ZBTB7C: variants seen among roughly 807,000 people sequenced by gnomAD.
The protein encoded by ZBTB7C is zinc finger and BTB domain containing 7C, also known as zinc finger and BTB domain-containing protein 7C.
A neutral mutation model predicts 25.7 loss-of-function variants in ZBTB7C; 8 were observed. That is an observed-to-expected ratio of 0.31 (90% CI 0.18 to 0.56). ZBTB7C has a LOEUF of 0.56. Among genes scored for constraint, ZBTB7C ranks in the 20% least tolerant of loss-of-function variants. The pLI is 0.91. For missense variants in ZBTB7C, 824 were observed against 855.2 expected, an observed-to-expected ratio of 0.96 and a Z score of 0.46; for synonymous variants, 394 against 369.0, an observed-to-expected ratio of 1.07 and a Z score of -0.78.
intron 2 of ZBTB7C, among the ~76,000 whole-genome samples, chr18:48,216,273 T>C (rs555290983): frequency 6.6e-6 from 1 of 152,314 alleles, no homozygotes; most frequent in South Asian, 2.1e-4. Context: ...GAGAAATTTG[T>C]TTTCTCCAGC....
At chr18:48,179,874 C>T (rs943120122) in intron 3 of ZBTB7C, among the ~76,000 whole-genome samples, 1 of 148,852 alleles carries the variant, frequency 6.7e-6, no homozygotes, top group Admixed American at 6.7e-5. Context: ...CCCTCCCTCC[C>T]TTCCTTCCTG....
At chr18:48,363,719 G>T (rs1404007415) in intron 1 of ZBTB7C, among the ~76,000 whole-genome samples, 1 of 152,034 alleles carries the variant, frequency 6.6e-6, no homozygotes, top group Admixed American at 6.6e-5. Flanking sequence ...GCCATTGGGG[G>T]TGTATTCTTT....
upstream of ZBTB7C, among the ~76,000 whole-genome samples, chr18:48,411,786 T>C (rs1325778823): frequency 6.6e-6 from 1 of 152,194 alleles, no homozygotes; most frequent in African/African-American, 2.4e-5. Flanking sequence ...GTAAATAGAC[T>C]CTAATATAAA....
At chr18:48,177,469 C>T (rs949438889) in intron 3 of ZBTB7C, among the ~76,000 whole-genome samples, 4 of 152,206 alleles carry the variant, frequency 2.6e-5, no homozygotes, top group East Asian at 3.9e-4. Flanking sequence ...CCCCATCTCT[C>T]CTCTTCCAGG....
chr18:48,391,998 A>G (rs1385584328), intron 1 of ZBTB7C, among the ~76,000 whole-genome samples: 1 of 152,184 alleles, frequency 6.6e-6, no homozygotes, highest in Non-Finnish European at 1.5e-5. Flanking sequence ...TCCTCTGTTT[A>G]GGGTCTGTTG....
chr18:48,192,457 G>A (rs2042219555), intron 2 of ZBTB7C, among the ~76,000 whole-genome samples: 1 of 152,194 alleles, frequency 6.6e-6, no homozygotes, highest in South Asian at 2.1e-4. Flanking sequence ...GTAAACGGTT[G>A]ATGATGGACT....
Position 48,029,328 on chromosome 18 carries a change from C to A in ZBTB7C, c.1792G>T (p.Gly598Cys). 1 of 1,540,662 alleles carries A rather than the reference C, an allele frequency of 6.5e-7. No individual in the cohort carries two copies. The highest frequency in any genetic ancestry group is 8.7e-7 in the Non-Finnish European group (1 of 1,148,714). ...GCGAGCCCAGGGAGGCCGGCCAGGCCGGCGGCCCAAGGGTCGGGCAGCGGG... is the reference window on the plus strand; with the variant it reads ...GCGAGCCCAGGGAGGCCGGCCAGGCAGGCGGCCCAAGGGTCGGGCAGCGGG... ...YFPLPDPWAA[G>C]LAGLPGLAGL... The change falls in exon 5 of 5, where the codon GGC becomes TGC. Residue 598 changes from glycine to cysteine, a missense_variant. Gly to Cys is a radical substitution (Grantham distance 159). This residue lies in a region of ZBTB7C where 342 missense variants were observed against 307.0 expected (regional missense o/e 1.11). Transcript: ENST00000590800.
At chr18:48,317,609 CTAGGTGGCTGCCACGTGCCA>C (rs2045980246) in intron 2 of ZBTB7C, among the ~76,000 whole-genome samples, 1 of 152,146 alleles carries the variant, frequency 6.6e-6, no homozygotes, top group Admixed American at 6.5e-5. Context: ...TAGGTTCCTC[CTAGGTGGCTGCCACGTGCCA>C]AGCTTTACAC....
chr18:48,275,922 A>G (rs987538431), intron 2 of ZBTB7C, among the ~76,000 whole-genome samples: 3 of 152,202 alleles, frequency 2.0e-5, no homozygotes, highest in Admixed American at 2.0e-4. Context: ...TTTCTCCCCA[A>G]AGGCAAATTT....
At chr18:48,362,063 A>G (rs1039347884) in intron 1 of ZBTB7C, among the ~76,000 whole-genome samples, 1 of 152,206 alleles carries the variant, frequency 6.6e-6, no homozygotes, top group Non-Finnish European at 1.5e-5. Context: ...GTCTCCTAGC[A>G]GATGAAGTGA....
chr18:48,282,110 A>C (rs938673902), intron 2 of ZBTB7C, among the ~76,000 whole-genome samples: 2 of 150,752 alleles, frequency 1.3e-5, no homozygotes, highest in Non-Finnish European at 2.9e-5. Context: ...GCACATATAC[A>C]CCATGGAATA....
At chr18:48,154,229 A>G (rs1013390182) in intron 3 of ZBTB7C, among the ~76,000 whole-genome samples, 3 of 152,134 alleles carry the variant, frequency 2.0e-5, no homozygotes, top group Non-Finnish European at 2.9e-5. Flanking sequence ...CAGGAGGTCA[A>G]TCAAGGATCT....
At chr18:48,264,676 C>A (rs939335336) in intron 2 of ZBTB7C, among the ~76,000 whole-genome samples, 2 of 152,274 alleles carry the variant, frequency 1.3e-5, no homozygotes, top group Non-Finnish European at 2.9e-5. Flanking sequence ...ACATCACCCT[C>A]CCCCTAACCC....
chr18:48,407,776 G>T (rs532800271), intron 1 of ZBTB7C, among the ~76,000 whole-genome samples: 1 of 152,254 alleles, frequency 6.6e-6, no homozygotes, highest in Admixed American at 6.5e-5. Context: ...GGCAGGGAGC[G>T]GGAGCCACCG....
chr18:48,389,434 C>T (rs1451103155), intron 1 of ZBTB7C, among the ~76,000 whole-genome samples: 2 of 145,190 alleles, frequency 1.4e-5, no homozygotes, highest in Non-Finnish European at 3.0e-5. Flanking sequence ...GACCCAGAGT[C>T]AGGCCCTTTA....
chr18:48,274,996 C>G (rs1485027263), intron 2 of ZBTB7C, among the ~76,000 whole-genome samples: 1 of 152,210 alleles, frequency 6.6e-6, no homozygotes, highest in Non-Finnish European at 1.5e-5. Context: ...TTCATAGGGA[C>G]TTACTCTGGG....
intron 2 of ZBTB7C, among the ~76,000 whole-genome samples, chr18:48,329,094 A>T (rs948896466): frequency 6.6e-6 from 1 of 152,230 alleles, no homozygotes; most frequent in South Asian, 2.1e-4. Flanking sequence ...TAAAAGCAAC[A>T]CAGGGTCAGA....
At chr18:48,064,069 G>C (rs2037228375) in intron 3 of ZBTB7C, among the ~76,000 whole-genome samples, 1 of 152,124 alleles carries the variant, frequency 6.6e-6, no homozygotes. Context: ...AGAATGAGAA[G>C]GTGGCCCCAG....
intron 1 of ZBTB7C, among the ~76,000 whole-genome samples, chr18:48,371,780 T>G (rs1598981163): frequency 6.6e-6 from 1 of 152,216 alleles, no homozygotes; most frequent in Non-Finnish European, 1.5e-5. Flanking sequence ...AAATAGGTGG[T>G]AGCGAAGATT....
Sources: allele counts gnomAD v4.1 joint callset (sites outside exome capture counted in the v4.1 genomes callset), GRCh38; gene constraint gnomAD v4.1.1; regional missense constraint gnomAD v4.1.1; transcripts MANE v1.5; gene names NCBI Gene and HGNC (gene_info 2026-07-23, HGNC 2026-07-21).